Variants in PIWIL1 observed in about 807,000 individuals in gnomAD.
The protein encoded by PIWIL1 is piwi-like protein 1.
PIWIL1 carries 73 observed loss-of-function variants against 114.4 expected under a neutral mutation model. The ratio of observed to expected loss-of-function variants is 0.64; its 90% CI spans 0.53 to 0.78. PIWIL1 has a LOEUF of 0.78. Ranked by LOEUF, PIWIL1 falls within the 30% of genes least tolerant of loss-of-function variation. The probability of loss-of-function intolerance (pLI) is 0.00; values close to 1 mark genes in which losing one functional copy is unlikely to be tolerated. For synonymous variants in PIWIL1, 375 were observed against 369.0 expected, an observed-to-expected ratio of 1.02 and a Z score of -0.19; for missense variants, 723 against 1,063.1, an observed-to-expected ratio of 0.68 and a Z score of 4.45.
the PIWIL1 span, among the ~76,000 whole-genome samples, chr12:130,418,473 G>A: frequency 8.5e-5 from 13 of 152,200 alleles, no homozygotes; most frequent in African/African-American, 3.1e-4. Flanking sequence ...TGAGAAGGAC[G>A]CCTGCTTTCC....
chr12:130,394,260 A>T, the PIWIL1 span, among the ~76,000 whole-genome samples: 1 of 152,164 alleles, frequency 6.6e-6, no homozygotes, highest in African/African-American at 2.4e-5. Context: ...AGTCCCAGGC[A>T]TCAGTTCTCT....
At chr12:130,399,526 G>A in the PIWIL1 span, among the ~76,000 whole-genome samples, 1 of 152,048 alleles carries the variant, frequency 6.6e-6, no homozygotes, top group East Asian at 1.9e-4. Flanking sequence ...GAATTTTTAG[G>A]TACAACTCCC....
chr12:130,417,059 C>G, the PIWIL1 span, among the ~76,000 whole-genome samples: 1 of 152,074 alleles, frequency 6.6e-6, no homozygotes, highest in African/African-American at 2.4e-5. Context: ...TCACACCAGT[C>G]AGAATGACGA....
intron 14 of PIWIL1, 109 bp from the exon 15 acceptor site, chr12:130,361,071 T>C: frequency 1.2e-6 from 1 of 848,628 alleles, no homozygotes; most frequent in Non-Finnish European, 1.9e-6. Context: ...AAATAAATGA[T>C]CATGTTCTTG....
At chr12:130,415,626 T>C in the PIWIL1 span, among the ~76,000 whole-genome samples, 171 of 78,066 alleles carry the variant, frequency 2.2e-3, no homozygotes, top group South Asian at 0.014. Context: ...TCACTGATGA[T>C]ACGGCATCCA....
At chr12:130,392,203 G>GACCCGGT in the PIWIL1 span, among the ~76,000 whole-genome samples, 5 of 67,112 alleles carry the variant, frequency 7.5e-5, no homozygotes, top group Non-Finnish European at 1.3e-4. Context: ...TCACGTGGAT[G>GACCCGGT]CATCAGTTAC....
chr12:130,354,793 C>A (rs2073319211), intron 10 of PIWIL1, 95 bp from the exon 11 acceptor site: 2 of 1,400,068 alleles, frequency 1.4e-6, no homozygotes, highest in Non-Finnish European at 2.0e-6. Flanking sequence ...TGCTTTGTCT[C>A]CTGGGAATTC....
chr12:130,397,270 G>A, the PIWIL1 span: 2 of 396,394 alleles, frequency 5.0e-6, no homozygotes, highest in Admixed American at 4.4e-5. Flanking sequence ...GAGAAGATTG[G>A]GTTTTTTTAG....
the PIWIL1 span, among the ~76,000 whole-genome samples, chr12:130,381,378 C>T: frequency 6.6e-6 from 1 of 152,172 alleles, no homozygotes; most frequent in Non-Finnish European, 1.5e-5. Context: ...TCACTGTCTC[C>T]ATAGTTTTGC....
chr12:130,399,744 C>T, the PIWIL1 span: 9 of 1,614,076 alleles, frequency 5.6e-6, no homozygotes, highest in Non-Finnish European at 6.8e-6. Flanking sequence ...GAAAGATAGA[C>T]TTCTACGTCA....
intron 16 of PIWIL1, among the ~76,000 whole-genome samples, chr12:130,362,160 T>A (rs2136179750): frequency 6.6e-6 from 1 of 152,316 alleles, no homozygotes; most frequent in South Asian, 2.1e-4. Flanking sequence ...TGGTTCAGAT[T>A]ATTTCATCAC....
Position 130,346,949 on chromosome 12 carries a change from A to C in PIWIL1, c.540A>C (p.Glu180Asp). 6.2e-7 allele frequency: 1 copy of C among 1,612,000 alleles called. No individual in the cohort carries two copies. Among genetic ancestry groups the C allele is most frequent in the Non-Finnish European group, 8.5e-7 (1 of 1,179,552 alleles). ...CACCTCTCTGGCTTCAGGTTACTGA[A>C]GTTTTTAGTAAGACCCGGAATGGAG... ...LPKRLQQKVT[E>D]VFSKTRNGED... Residue 180 changes from glutamate to aspartate, a missense_variant, in exon 6 of 21, where the codon GAA (glutamate) becomes GAC (aspartate). Transcript: ENST00000245255.
intron 14 of PIWIL1, 36 bp from the exon 15 acceptor site, chr12:130,361,144 T>C: frequency 1.3e-6 from 2 of 1,598,136 alleles, no homozygotes; most frequent in Non-Finnish European, 1.7e-6. Flanking sequence ...ATCATCTGTC[T>C]CCTAATTCTT....
intron 10 of PIWIL1, 56 bp downstream of exon 10, chr12:130,354,719 C>G: frequency 1.3e-6 from 2 of 1,530,898 alleles, no homozygotes; most frequent in East Asian, 2.3e-5. Context: ...CCTTTCTTTC[C>G]TAGGAGTCCT....
chr12:130,343,127 TAAC>T, intron 3 of PIWIL1, 26 bp downstream of exon 3: 1 of 1,528,202 alleles, frequency 6.5e-7, no homozygotes, highest in Non-Finnish European at 9.0e-7. Flanking sequence ...AAGGAAGTCT[TAAC>T]AACTCTGTTC....
At chr12:130,401,184 C>T in the PIWIL1 span, among the ~76,000 whole-genome samples, 4 of 152,014 alleles carry the variant, frequency 2.6e-5, no homozygotes, top group East Asian at 1.9e-4. Flanking sequence ...AGCGTGATCT[C>T]GGCTCACTGC....
the PIWIL1 span, chr12:130,397,718 G>A: frequency 3.4e-5 from 13 of 387,180 alleles, no homozygotes; most frequent in Middle Eastern, 6.5e-4. Flanking sequence ...CCCACAGCAC[G>A]CCAGAGAGAG....
At chr12:130,399,778 T>G in the PIWIL1 span, 1 of 1,614,186 alleles carries the variant, frequency 6.2e-7, no homozygotes, top group South Asian at 1.1e-5. Flanking sequence ...CCAAGAAGTT[T>G]GAGGGCACAA....
the PIWIL1 span, chr12:130,414,682 C>T: frequency 1.8e-5 from 3 of 171,330 alleles, no homozygotes; most frequent in South Asian, 1.6e-4. Flanking sequence ...GCACAGCCCA[C>T]GTTTAAAATG....
Sources: allele counts gnomAD v4.1 joint callset (sites outside exome capture counted in the v4.1 genomes callset), GRCh38; gene constraint gnomAD v4.1.1; transcripts MANE v1.5; gene names NCBI Gene and HGNC (gene_info 2026-07-23, HGNC 2026-07-21).